The following EXOC3 variants were observed in gnomAD, a reference collection of about 807,000 sequenced individuals.
EXOC3 encodes the protein exocyst complex component 3.
A neutral mutation model predicts 73.7 loss-of-function variants in EXOC3; 21 were observed. The observed-to-expected ratio is 0.29, with a 90% CI of 0.20 to 0.41. The LOEUF is 0.41. Ranked by LOEUF, EXOC3 falls within the 10% of genes least tolerant of loss-of-function variation. The pLI is 1.00. For synonymous variants in EXOC3, 410 were observed against 389.1 expected (o/e 1.05, Z -0.63); for missense variants, 842 against 985.1 (o/e 0.85, Z 1.95).
At chr5:451,847 T>C (rs1447594714) in intron 3 of EXOC3, among the ~76,000 whole-genome samples, 1 of 152,260 alleles carries the variant, frequency 6.6e-6, no homozygotes, top group African/African-American at 2.4e-5. Context: ...GTTGACAGTA[T>C]TTTTCTTTTA....
chr5:465,044 T>G, intron 10 of EXOC3, 67 bp from the exon 11 acceptor site: 7 of 1,441,848 alleles, frequency 4.9e-6, no homozygotes, highest in Admixed American at 2.6e-5. Context: ...CCAGCCTGGG[T>G]TTCAATGAGG....
chr5:453,331 T>TGGTG (rs1737708371), intron 3 of EXOC3, 39 bp from the exon 4 acceptor site: 1 of 1,487,700 alleles, frequency 6.7e-7, no homozygotes, highest in African/African-American at 1.4e-5. Flanking sequence ...TTTTATGTGG[T>TGGTG]GGTGGTTGTT....
intron 7 of EXOC3, among the ~76,000 whole-genome samples, chr5:460,014 C>T (rs747885847): frequency 1.3e-5 from 2 of 152,250 alleles, no homozygotes; most frequent in African/African-American, 2.4e-5. Flanking sequence ...CTCCCCTGCC[C>T]ATTCCACTCT....
rs771794323 is a variant in EXOC3 at position 462,256 on chromosome 5, C to T, written c.1602C>T (p.Ile534=). 3.9e-5 allele frequency: 63 copies of T among 1,613,852 alleles called. No homozygotes were observed. The highest frequency in any genetic ancestry group is 4.8e-5 in the Non-Finnish European group (57 of 1,179,902). ...QPSMDGILDA[I]AKEGCSGLLE... ...GCATGGACGGGATTTTAGACGCCAT[C>T]GCGAAGGAGGGCTGCAGCGGTTTGC... Residue 534 remains isoleucine (I), a synonymous_variant, in exon 9 of 13, where the codon ATC becomes ATT. Coordinates refer to ENST00000512944, the MANE Select transcript of EXOC3 (RefSeq NM_007277.5).
At position 457,921 on chromosome 5, in the gene EXOC3, C is replaced by T. The variant is rs745881027; in HGVS notation, c.1186C>T (p.Arg396Trp). The change falls in exon 6 of 13, where the codon CGG becomes TGG. Residue 396 changes from arginine to tryptophan, a missense_variant. By Grantham distance (101) the Arg-to-Trp change is moderately radical. Transcript: ENST00000512944. Reference protein sequence around the residue: ...TLTSNIIAWLRKALETDKKDW... With the variant: ...TLTSNIIAWLWKALETDKKDW... ...TTAGTCAAACATCATCGCCTGGCTG[C>T]GGAAAGCGCTGGAGACAGACAAGAA... The T allele has an allele frequency of 3.1e-6, 5 of 1,608,890 alleles. No individual in the cohort carries two copies. Among genetic ancestry groups the T allele is most frequent in the African/African-American group, 1.3e-5 (1 of 74,944 alleles).
In EXOC3 at chr5:458,467, A is replaced by G. The variant is rs376760771; in HGVS notation, c.1290+442A>G. Among the ~76,000 whole-genome samples the G allele has an allele frequency of 1.0e-3, 155 of 152,322 alleles. 1 individual carries two copies. The highest frequency in any genetic ancestry group is 3.6e-3 in the African/African-American group (148 of 41,572). The stretch of plus-strand genomic sequence containing the variant: ...TGCCCAGGCTGGAGTGCGGTAGCAC[A>G]ATCTTGGCTTACTGCAATCTCTACC... On this transcript the variant is annotated intron_variant, in intron 6 of 12. Coordinates refer to ENST00000512944, the MANE Select transcript of EXOC3 (RefSeq NM_007277.5).
chr5:459,771 T>G (rs1187828310), intron 7 of EXOC3, among the ~76,000 whole-genome samples: 1 of 151,298 alleles, frequency 6.6e-6, no homozygotes, highest in Non-Finnish European at 1.5e-5. Context: ...TTCCTTGGGG[T>G]GGGGGTGGCG....
Position 446,222 on chromosome 5 carries a change from G to C in EXOC3, c.17G>C (p.Arg6Pro), listed in dbSNP as rs772467095. ...TTTTTCACCATGAAGGAGACAGACC[G>C]GGAGGCCGTTGCGACAGCAGTGCAA... MKETD[R>P]EAVATAVQRV... Residue 6 changes from arginine to proline, a missense_variant, in exon 2 of 13, where the codon CGG (arginine) becomes CCG (proline). By Grantham distance (103) the Arg-to-Pro change is moderately radical (BLOSUM62 -2). Transcript: ENST00000512944. 6.8e-6 allele frequency: 11 copies of C among 1,614,022 alleles called. No individual in the cohort carries two copies. The highest frequency in any genetic ancestry group is 9.3e-6 in the Non-Finnish European group (11 of 1,179,888).
intron 3 of EXOC3, among the ~76,000 whole-genome samples, chr5:451,143 T>A (rs1737649765): frequency 6.6e-6 from 1 of 152,200 alleles, no homozygotes; most frequent in South Asian, 2.1e-4. Flanking sequence ...GCATTTTTTT[T>A]GTGCTTTTGA....
chr5:464,493 G>A (rs13179728), intron 10 of EXOC3, 81 bp downstream of exon 10: 1 of 1,478,184 alleles, frequency 6.8e-7, no homozygotes, highest in East Asian at 2.3e-5. Flanking sequence ...AGCATCCAGC[G>A]AGTCCCTCCG....
chr5:450,814 A>G (rs1737641203), intron 3 of EXOC3, among the ~76,000 whole-genome samples: 1 of 150,100 alleles, frequency 6.7e-6, no homozygotes, highest in Non-Finnish European at 1.5e-5. Flanking sequence ...AATTTAAAGT[A>G]TATTTCATAT....
chr5:453,208 C>T (rs1159317770), intron 3 of EXOC3, among the ~76,000 whole-genome samples, 162 bp from the exon 4 acceptor site: 1 of 152,218 alleles, frequency 6.6e-6, no homozygotes, highest in African/African-American at 2.4e-5. Flanking sequence ...TAATAGACTC[C>T]AGAGTTCCAA....
In EXOC3 at chr5:465,822, G is replaced by A; in HGVS notation, c.2043G>A (p.Leu681=). 1.2e-6 allele frequency: 2 copies of A among 1,612,062 alleles called. No individual in the cohort carries two copies. The highest frequency in any genetic ancestry group is 1.7e-5 in the Admixed American group (1 of 59,716). The change falls in exon 12 of 13, where the codon CTG becomes CTA. Residue 681 remains leucine (L), a synonymous_variant. Coordinates refer to ENST00000512944, the MANE Select transcript of EXOC3 (RefSeq NM_007277.5). ...PSLLYLEVST[L]VSKYPDIRDD... is the part of the protein sequence containing the mutation. ...TGCTCTACCTGGAGGTCTCCACTCT[G>A]GTCAGCAAGTATCCAGACATCAGGT...
At chr5:466,461 T>C in intron 12 of EXOC3, 1 of 454,568 alleles carries the variant, frequency 2.2e-6, no homozygotes. Flanking sequence ...GGTCTTGAGC[T>C]CTCCACGGTC....
Position 459,390 on chromosome 5 carries a change from A to G in EXOC3, c.1322A>G (p.Gln441Arg). The change falls in exon 7 of 13, where the codon CAG becomes CGG. Residue 441 changes from glutamine to arginine, a missense_variant. By Grantham distance (43) the Gln-to-Arg change is conservative (BLOSUM62 1). Coordinates refer to ENST00000512944, the MANE Select transcript of EXOC3 (RefSeq NM_007277.5). ...MFEQNLQVAA[Q>R]ISEDLKTKVL... is the part of the protein sequence containing the mutation. ...GAACAGAATCTTCAAGTTGCTGCTC[A>G]GATAAGTGAAGATTTGAAAACAAAG... The G allele has an allele frequency of 6.4e-7, 1 of 1,569,502 alleles. No homozygotes were observed. Among genetic ancestry groups the G allele is most frequent in the Non-Finnish European group, 8.7e-7 (1 of 1,153,588 alleles).
chr5:466,248 C>T, intron 12 of EXOC3: 1 of 250,990 alleles, frequency 4.0e-6, no homozygotes. Flanking sequence ...CTTCCGAGGA[C>T]GTGATTACAG....
rs958087717 is a variant in EXOC3, at chr5:467,222, C to T, written c.*324C>T. 6.4e-5 allele frequency: 20 copies of T among 310,472 alleles called. No homozygotes were observed. Among genetic ancestry groups the T allele is most frequent in the African/African-American group, 1.1e-4 (5 of 47,172 alleles). 19.2% of individuals were successfully genotyped at this position (310,472 alleles called of 1,614,324 possible). On this transcript the variant is annotated 3_prime_UTR_variant, in exon 13 of 13. Coordinates refer to ENST00000512944, the MANE Select transcript of EXOC3 (RefSeq NM_007277.5). ...GCCCTCCTCCTCCCTGGGCCTTCAC[C>T]GCACCCCATCTGCTTAAGTGCTCGG...
rs762426536 is a variant in EXOC3, at chr5:465,143, G to A, written c.1809G>A (p.Val603=). The part of the protein sequence containing the change: ...RMTAEAHRRV[V]VEYLRAVMQK... ...CGGCCGAGGCGCACCGGCGCGTGGT[G>A]GTGGAGTACCTGCGGGCGGTCATGC... Residue 603 remains valine, a synonymous_variant, in exon 11 of 13, where the codon GTG becomes GTA. Coordinates refer to ENST00000512944, the MANE Select transcript of EXOC3 (RefSeq NM_007277.5). The A allele has an allele frequency of 5.0e-6, 8 of 1,594,334 alleles. No homozygotes were observed. The highest frequency in any genetic ancestry group is 6.8e-6 in the Non-Finnish European group (8 of 1,171,636).
intron 3 of EXOC3, 94 bp downstream of exon 3, chr5:447,846 C>T: frequency 1.3e-6 from 1 of 785,614 alleles, no homozygotes; most frequent in Non-Finnish European, 2.0e-6. Context: ...GCAGCCCGCA[C>T]TGTAGACCTG....
Sources: allele counts gnomAD v4.1 joint callset (sites outside exome capture counted in the v4.1 genomes callset), GRCh38; gene constraint gnomAD v4.1.1; transcripts MANE v1.5; gene names NCBI Gene and HGNC (gene_info 2026-07-23, HGNC 2026-07-21).